Variants in CNTNAP2 observed in about 807,000 individuals in gnomAD.
CNTNAP2 encodes contactin-associated protein-like 2.
Under a neutral mutation model 155.2 loss-of-function variants are expected in CNTNAP2, and 98 were observed. That is an observed-to-expected ratio of 0.63 (90% CI 0.54 to 0.75). The LOEUF is 0.75. Ranked by LOEUF, CNTNAP2 falls within the 30% of genes least tolerant of loss-of-function variation. CNTNAP2 has a pLI of 0.00. For missense variants in CNTNAP2, 1,727 were observed against 1,688.1 expected (o/e 1.02, Z -0.40); for synonymous variants, 651 against 631.2 (o/e 1.03, Z -0.47).
At chr7:146,479,547 A>C (rs140655131) in intron 1 of CNTNAP2, among the ~76,000 whole-genome samples, 4 of 152,284 alleles carry the variant, frequency 2.6e-5, no homozygotes, top group African/African-American at 9.6e-5. Flanking sequence ...TTATGCTAAA[A>C]AGCATAAAAA....
intron 1 of CNTNAP2, among the ~76,000 whole-genome samples, chr7:146,343,603 A>G (rs1227952578): frequency 1.3e-5 from 2 of 152,200 alleles, no homozygotes; most frequent in Non-Finnish European, 2.9e-5. Context: ...TGAAACATTT[A>G]AAATGAGGAT....
chr7:147,177,246 T>C (rs1297726244), intron 8 of CNTNAP2, among the ~76,000 whole-genome samples: 1 of 152,036 alleles, frequency 6.6e-6, no homozygotes, highest in African/African-American at 2.4e-5. Flanking sequence ...CACCTTGAAT[T>C]GTAATAATCT....
chr7:148,165,030 G>A (rs555951078), intron 17 of CNTNAP2, among the ~76,000 whole-genome samples: 20 of 152,182 alleles, frequency 1.3e-4, no homozygotes, highest in Non-Finnish European at 2.4e-4. Context: ...AGATCAGCCC[G>A]AGCCTGATAA....
intron 13 of CNTNAP2, among the ~76,000 whole-genome samples, chr7:147,746,308 G>C (rs1797042261): frequency 6.6e-6 from 1 of 152,114 alleles, no homozygotes. Flanking sequence ...TGCTGGGCTT[G>C]AACACAGGGG....
intron 1 of CNTNAP2, among the ~76,000 whole-genome samples, chr7:146,184,758 G>C (rs759545896): frequency 6.6e-6 from 1 of 152,160 alleles, no homozygotes; most frequent in Admixed American, 6.5e-5. Flanking sequence ...TTTATCCTTT[G>C]TAGTTGAAAG....
chr7:146,125,375 G>A (rs1797619204), intron 1 of CNTNAP2, among the ~76,000 whole-genome samples: 2 of 151,890 alleles, frequency 1.3e-5, no homozygotes, highest in African/African-American at 4.8e-5. Flanking sequence ...AGGAGATCGA[G>A]AACATCCTGG....
At chr7:147,566,830 T>C (rs2116799296) in intron 12 of CNTNAP2, among the ~76,000 whole-genome samples, 1 of 152,248 alleles carries the variant, frequency 6.6e-6, no homozygotes, top group African/African-American at 2.4e-5. Flanking sequence ...AGGGTTCTCG[T>C]GTTAAAATAT....
intron 1 of CNTNAP2, among the ~76,000 whole-genome samples, chr7:146,270,168 T>A (rs912338019): frequency 1.3e-5 from 2 of 152,214 alleles, no homozygotes; most frequent in Non-Finnish European, 2.9e-5. Context: ...AGTCTAATCA[T>A]GTTGTTCGTC....
In CNTNAP2 at chr7:147,707,159, C is replaced by A. The variant is rs543384686; in HGVS notation, c.2098+67853C>A. Among the ~76,000 whole-genome samples, 17 of 151,954 alleles carry A rather than the reference C, an allele frequency of 1.1e-4. No homozygotes were observed. In the South Asian group the frequency reaches 2.7e-3, roughly 24 times the overall value. ...GATTAGAATATATTGCCAGAAAATT[C>A]TTGTGTTTCTTTGAAAGTATCCTTG... On this transcript the variant is annotated intron_variant, in intron 13 of 23. Transcript: ENST00000361727.
intron 1 of CNTNAP2, among the ~76,000 whole-genome samples, chr7:146,626,924 T>C (rs1336672928): frequency 2.0e-5 from 3 of 152,154 alleles, no homozygotes; most frequent in Non-Finnish European, 4.4e-5. Flanking sequence ...TAATATAACA[T>C]TGCTTCTTTT....
chr7:148,275,934 C>A (rs775806730), intron 21 of CNTNAP2, among the ~76,000 whole-genome samples: 1 of 152,084 alleles, frequency 6.6e-6, no homozygotes, highest in Non-Finnish European at 1.5e-5. Context: ...GTTGTGACAT[C>A]TTTGGAAACA....
At chr7:148,021,687 G>A (rs1802281464) in intron 15 of CNTNAP2, among the ~76,000 whole-genome samples, 1 of 152,196 alleles carries the variant, frequency 6.6e-6, no homozygotes, top group African/African-American at 2.4e-5. Flanking sequence ...AGAGGACTTG[G>A]AACAGAGAAT....
intron 8 of CNTNAP2, among the ~76,000 whole-genome samples, chr7:147,180,553 A>G (rs1802434637): frequency 6.6e-6 from 1 of 152,196 alleles, no homozygotes. Context: ...ATATAGAAAT[A>G]TAGTTGATAA....
At chr7:148,205,168 G>A (rs1163270713) in intron 18 of CNTNAP2, among the ~76,000 whole-genome samples, 1 of 152,198 alleles carries the variant, frequency 6.6e-6, no homozygotes, top group African/African-American at 2.4e-5. Flanking sequence ...ATTCTACATG[G>A]CTCAGGCAGA....
At chr7:147,877,074 T>G (rs1258543033) in intron 13 of CNTNAP2, among the ~76,000 whole-genome samples, 1 of 152,190 alleles carries the variant, frequency 6.6e-6, no homozygotes, top group Non-Finnish European at 1.5e-5. Flanking sequence ...GTTAGCCAGA[T>G]GAGGGAGTTT....
chr7:147,066,948 G>A (rs1799790354), intron 4 of CNTNAP2, among the ~76,000 whole-genome samples: 1 of 152,284 alleles, frequency 6.6e-6, no homozygotes, highest in Admixed American at 6.5e-5. Flanking sequence ...CTAGTTCCTT[G>A]TTGTATCACC....
At chr7:146,329,731 G>C (rs989090441) in intron 1 of CNTNAP2, among the ~76,000 whole-genome samples, 2 of 151,840 alleles carry the variant, frequency 1.3e-5, no homozygotes, top group East Asian at 3.9e-4. Flanking sequence ...TTAACACATC[G>C]GTATTACTGC....
Position 146,501,605 on chromosome 7 carries a change from T to A in CNTNAP2, c.98-272666T>A, listed in dbSNP as rs145746292. Among the ~76,000 whole-genome samples the A allele has an allele frequency of 7.0e-3, 1,072 of 152,244 alleles. 13 individuals carry two copies. The highest frequency in any genetic ancestry group is 0.022 in the African/African-American group (901 of 41,544). ...TTAATTTCTCCTTTTCAACCGTAAG[T>A]AATTAGAGTATTCTTTCTTTTTCTC... On this transcript the variant is annotated intron_variant, in intron 1 of 23. Transcript: ENST00000361727.
intron 5 of CNTNAP2, among the ~76,000 whole-genome samples, chr7:147,113,336 C>G (rs62481809): frequency 0.21 from 32,562 of 151,774 alleles, 4,149 homozygotes; most frequent in Non-Finnish European, 0.29. Context: ...TCTCTCTTTT[C>G]TTCTTTATTA....
Sources: gnomAD v4.1 joint callset for allele counts (sites outside exome capture counted in the v4.1 genomes callset) on GRCh38, gnomAD v4.1.1 for gene constraint, MANE v1.5 for transcripts, NCBI Gene and HGNC (gene_info 2026-07-23, HGNC 2026-07-21) for gene names.